GALNT7: variants seen among roughly 807,000 people sequenced by gnomAD.
GALNT7 encodes N-acetylgalactosaminyltransferase 7.
Under a neutral mutation model 82.1 loss-of-function variants are expected in GALNT7, and 60 were observed. The observed-to-expected ratio is 0.73, with a 90% CI of 0.59 to 0.91. The LOEUF (loss-of-function observed/expected upper bound fraction) is 0.91, where lower values mean the gene tolerates loss of function less well. Among genes scored for constraint, GALNT7 ranks in the 40% least tolerant of loss-of-function variants. The pLI is 0.00. For synonymous variants in GALNT7, 243 were observed against 275.1 expected (o/e 0.88, Z 1.15); for missense variants, 660 against 804.2 (o/e 0.82, Z 2.17).
At chr4:173,181,119 T>C (rs900960684) in intron 1 of GALNT7, among the ~76,000 whole-genome samples, 1 of 152,246 alleles carries the variant, frequency 6.6e-6, no homozygotes, top group African/African-American at 2.4e-5. Context: ...TAGAAATGAC[T>C]GAAATTTTAT....
In GALNT7 at chr4:173,292,625, A is replaced by G. The variant is rs1401632887; in HGVS notation, c.754+351A>G. 2.6e-5 allele frequency among the ~76,000 whole-genome samples: 4 copies of G among 152,200 alleles called. No individual in the cohort carries two copies. Among genetic ancestry groups the G allele is most frequent in the East Asian group, 3.8e-4 (2 of 5,200 alleles). On this transcript the variant is annotated intron_variant, in intron 3 of 11. Transcript: ENST00000265000. This position sits in a 1 kb window ranked among gnomAD's most constrained non-coding sequence, Gnocchi z 4.8. ...AAAATATCGTTCAAAATGGCTTTATAAAAAAGCTTCCTCCAAAATTTAATT... is the reference window on the plus strand; with the variant it reads ...AAAATATCGTTCAAAATGGCTTTATGAAAAAGCTTCCTCCAAAATTTAATT...
chr4:173,192,059 G>A (rs965335232), intron 1 of GALNT7, among the ~76,000 whole-genome samples: 5 of 152,152 alleles, frequency 3.3e-5, no homozygotes, highest in Admixed American at 2.6e-4. Flanking sequence ...AATTAACTTC[G>A]TGCTTGTCTT....
chr4:173,168,943 C>A lies in GALNT7; in HGVS notation c.108C>A (p.Ser36Arg). 1.9e-6 allele frequency: 3 copies of A among 1,613,660 alleles called. No individual in the cohort carries two copies. In the South Asian group the frequency reaches 3.3e-5, roughly 18 times the overall value. Reference sequence around the variant, plus strand: ...TGACCCCGCGGCCGGACGACCCAAGCCCGCTGAGCAGGATGAGGGTGAGTG... The same window carrying A: ...TGACCCCGCGGCCGGACGACCCAAGACCGCTGAGCAGGATGAGGGTGAGTG... ...SSLTPRPDDP[S>R]PLSRMREDRD... The change falls in exon 1 of 12, where the codon AGC (serine) becomes AGA (arginine). Residue 36 changes from serine (S) to arginine (R), a missense_variant. Around this residue, in one of 2 missense-constraint regions of GALNT7, gnomAD observed 133 missense variants for 120.7 expected, o/e 1.10. Coordinates refer to ENST00000265000, the MANE Select transcript of GALNT7 (RefSeq NM_017423.3).
intron 2 of GALNT7, among the ~76,000 whole-genome samples, chr4:173,291,238 A>G (rs759158818): frequency 7.2e-5 from 11 of 152,164 alleles, no homozygotes; most frequent in Non-Finnish European, 1.5e-4. Flanking sequence ...TCTGGGTTAT[A>G]GTTTGTTTGG....
At chr4:173,303,243 G>A (rs567163562) in intron 7 of GALNT7, among the ~76,000 whole-genome samples, 12 of 152,078 alleles carry the variant, frequency 7.9e-5, no homozygotes, top group Non-Finnish European at 1.3e-4. Flanking sequence ...CAGAATTTGC[G>A]GCAGAAGTAG....
rs188429041 is a variant in GALNT7, at chr4:173,177,349, T to C, written c.126+8388T>C. Among the ~76,000 whole-genome samples the C allele has an allele frequency of 1.2e-4, 19 of 152,284 alleles. No homozygotes were observed. In the East Asian group the frequency reaches 3.5e-3, roughly 28 times the overall value. ...GTTTGGTTTGGCATATAGTATTTTA[T>C]AGAACACAGGTCAGTCAAGTGAAGG... is the stretch of plus-strand genomic sequence containing the variant. On this transcript the variant is annotated intron_variant, in intron 1 of 11. Transcript: ENST00000265000.
chr4:173,280,743 A>C (rs986991776), intron 2 of GALNT7, among the ~76,000 whole-genome samples: 4 of 152,212 alleles, frequency 2.6e-5, no homozygotes, highest in Non-Finnish European at 5.9e-5. Flanking sequence ...AGAACTTATT[A>C]CAAATTCTAC....
At chr4:173,249,396 C>T (rs1734774651) in intron 2 of GALNT7, among the ~76,000 whole-genome samples, 1 of 152,030 alleles carries the variant, frequency 6.6e-6, no homozygotes, top group Non-Finnish European at 1.5e-5. Flanking sequence ...CAATATAATG[C>T]CATTTAATAG....
At chr4:173,214,033 T>C (rs1175016235) in intron 1 of GALNT7, among the ~76,000 whole-genome samples, 1 of 152,168 alleles carries the variant, frequency 6.6e-6, no homozygotes, top group Non-Finnish European at 1.5e-5. Flanking sequence ...CATTTCACTT[T>C]ATAAAGTTAA....
chr4:173,318,577 TTCTGAAATATTA>T lies in GALNT7; in HGVS notation c.1836+20_1836+31del. On this transcript the variant is annotated intron_variant, in intron 11 of 11. Transcript: ENST00000265000. ...ACTTCAAGGTATTCTGCATTTTAAC[TTCTGAAATATTA>T]TATGCTTTTCATTTTCAGTAACATC... The T allele has an allele frequency of 6.9e-7, 1 of 1,445,628 alleles. No individual in the cohort carries two copies. 89.6% of individuals were successfully genotyped at this position (1,445,628 alleles called of 1,614,324 possible). A position where few individuals can be genotyped will look rare whatever the true frequency, so the allele number is the denominator to read the frequency against.
At chr4:173,212,676 A>G (rs1733318642) in intron 1 of GALNT7, among the ~76,000 whole-genome samples, 1 of 151,752 alleles carries the variant, frequency 6.6e-6, no homozygotes, top group South Asian at 2.1e-4. Context: ...CTAGAATGTA[A>G]TATCATGTTA....
intron 1 of GALNT7, among the ~76,000 whole-genome samples, chr4:173,222,385 C>T (rs1733675990): frequency 6.6e-6 from 1 of 152,156 alleles, no homozygotes; most frequent in South Asian, 2.1e-4. Context: ...GATTCTCCTG[C>T]CTCAGTCTCC....
At chr4:173,230,714 A>G (rs1328382437) in intron 1 of GALNT7, among the ~76,000 whole-genome samples, 3 of 152,164 alleles carry the variant, frequency 2.0e-5, no homozygotes, top group African/African-American at 7.2e-5. Context: ...ATTTCTGGAT[A>G]AGTACTCTGT....
intron 1 of GALNT7, among the ~76,000 whole-genome samples, chr4:173,200,205 G>A (rs1732900737): frequency 6.6e-6 from 1 of 152,120 alleles, no homozygotes; most frequent in Non-Finnish European, 1.5e-5. Context: ...TAATCTAATT[G>A]CATCCTATTG....
intron 1 of GALNT7, among the ~76,000 whole-genome samples, chr4:173,178,420 A>G (rs1307673553): frequency 6.6e-6 from 1 of 152,186 alleles, no homozygotes; most frequent in Admixed American, 6.5e-5. Context: ...TGATCCTGAA[A>G]GCAACACTGA....
chr4:173,303,705 G>T (rs1737043705), intron 7 of GALNT7, among the ~76,000 whole-genome samples: 1 of 152,192 alleles, frequency 6.6e-6, no homozygotes, highest in Non-Finnish European at 1.5e-5. Flanking sequence ...TAGGAATAAA[G>T]AATCCACATG....
chr4:173,321,724 A>G lies in GALNT7; in HGVS notation c.*7A>G. The stretch of plus-strand genomic sequence containing the variant: ...TAACATCCATAGTGTTTAGAGAGAA[A>G]AAAATAAACCAATAACCTACCTACT... On this transcript the variant is annotated 3_prime_UTR_variant, in exon 12 of 12. Coordinates refer to ENST00000265000, the MANE Select transcript of GALNT7 (RefSeq NM_017423.3). 6.3e-7 allele frequency: 1 copy of G among 1,599,664 alleles called. No individual in the cohort carries two copies. Among genetic ancestry groups the G allele is most frequent in the South Asian group, 1.1e-5 (1 of 90,606 alleles).
chr4:173,203,932 T>C (rs1450608891), intron 1 of GALNT7, among the ~76,000 whole-genome samples: 2 of 152,256 alleles, frequency 1.3e-5, no homozygotes, highest in East Asian at 1.9e-4. Flanking sequence ...GTAAGTTTTA[T>C]GCTTTCATAT....
At chr4:173,270,070 A>G in intron 2 of GALNT7, among the ~76,000 whole-genome samples, 1 of 152,244 alleles carries the variant, frequency 6.6e-6, no homozygotes, top group East Asian at 1.9e-4. Flanking sequence ...AATCAAGTGT[A>G]CTTGGACCCA....
Sources: gnomAD v4.1 joint callset for allele counts (sites outside exome capture counted in the v4.1 genomes callset) on GRCh38, gnomAD v4.1.1 for gene constraint, gnomAD v4.1.1 regional missense constraint, Gnocchi (gnomAD v3.1) non-coding constraint, MANE v1.5 for transcripts, NCBI Gene and HGNC (gene_info 2026-07-23, HGNC 2026-07-21) for gene names.